AP3B2: variants seen among roughly 807,000 people sequenced by gnomAD.
AP3B2 encodes the protein AP-3 complex subunit beta-2.
In AP3B2, 50 loss-of-function variants were observed where a neutral mutation model predicts 126.9. The ratio of observed to expected loss-of-function variants is 0.39; its 90% CI spans 0.31 to 0.50. AP3B2 has a LOEUF of 0.50. Among genes scored for constraint, AP3B2 ranks in the 20% least tolerant of loss-of-function variants. The pLI is 0.79. For missense variants in AP3B2, 1,177 were observed against 1,426.4 expected, an observed-to-expected ratio of 0.83 and a Z score of 2.82; for synonymous variants, 541 against 565.0, an observed-to-expected ratio of 0.96 and a Z score of 0.60.
intron 4 of AP3B2, chr15:82,686,582 T>A (rs2048430050): frequency 6.6e-6 from 1 of 152,222 alleles, no homozygotes; most frequent in Admixed American, 6.5e-5. Flanking sequence ...CTTATGGATA[T>A]TCATTATATT....
intron 26 of AP3B2, 24 bp from the exon 27 acceptor site, chr15:82,659,734 A>AGG (rs750131913): frequency 1.2e-6 from 2 of 1,613,176 alleles, no homozygotes; most frequent in Non-Finnish European, 1.7e-6. Context: ...AGAAGGGGTG[A>AGG]GGAAGAGCTG....
In AP3B2 at chr15:82,665,390, C is replaced by G. The variant is rs1200151573; in HGVS notation, c.1971+67G>C. ...CTGCCCCCACCAACACACACACACA[C>G]ACACACACACACACACACACACACA... On this transcript the variant is annotated intron_variant, in intron 16 of 26. Transcript: ENST00000535359. The surrounding 1 kb of genome is among the most constrained non-coding windows in gnomAD (Gnocchi z 4.4). The G allele has an allele frequency of 2.3e-5, 4 of 176,944 alleles. No homozygotes were observed. In the Admixed American group the frequency reaches 4.6e-4, roughly 20 times the overall value. The allele number at this position is 176,944 out of a possible 1,614,324, so 11.0% of individuals were successfully genotyped here.
chr15:82,670,112 TGG>T (rs2048129632), intron 14 of AP3B2, among the ~76,000 whole-genome samples: 1 of 68,926 alleles, frequency 1.5e-5, no homozygotes, highest in Non-Finnish European at 3.0e-5. Context: ...TTTTTTTTTT[TGG>T]CGGGGGGGGA....
chr15:82,696,051 A>G (rs1038412608), intron 1 of AP3B2, among the ~76,000 whole-genome samples: 3 of 152,184 alleles, frequency 2.0e-5, no homozygotes, highest in African/African-American at 7.2e-5. Flanking sequence ...CTCTGTCTTC[A>G]CATGGTCTTC....
chr15:82,697,086 C>T (rs2048640168), intron 1 of AP3B2, among the ~76,000 whole-genome samples: 1 of 152,138 alleles, frequency 6.6e-6, no homozygotes, highest in Admixed American at 6.5e-5. Context: ...AATCCCAGCA[C>T]TTTGGGAGGC....
chr15:82,692,441 G>A, intron 1 of AP3B2: 1 of 367,054 alleles, frequency 2.7e-6, no homozygotes, highest in Non-Finnish European at 4.9e-6. Flanking sequence ...CTGCACTGTG[G>A]GAACGAGAAG....
At chr15:82,706,536 G>T (rs1478116689) in intron 1 of AP3B2, among the ~76,000 whole-genome samples, 2 of 152,146 alleles carry the variant, frequency 1.3e-5, no homozygotes, top group Non-Finnish European at 2.9e-5. Flanking sequence ...CAACACTTAT[G>T]CTGATAAGGT....
chr15:82,664,808 A>G lies in AP3B2; in HGVS notation c.2137+27T>C. On this transcript the variant is annotated intron_variant, in intron 18 of 26. Transcript: ENST00000535359. The surrounding 1 kb of genome is among the most constrained non-coding windows in gnomAD (Gnocchi z 4.5). ...ACACAGATGCATGGGCAGAGCACAG[A>G]GGACCCCAGCTCTGCCATCTGCTCA... The G allele has an allele frequency of 1.3e-6, 2 of 1,499,244 alleles. No individual in the cohort carries two copies. The highest frequency in any genetic ancestry group is 1.4e-5 in the African/African-American group (1 of 72,572). 92.9% of individuals were successfully genotyped at this position (1,499,244 alleles called of 1,614,324 possible). A position where few individuals can be genotyped will look rare whatever the true frequency, so the allele number is the denominator to read the frequency against.
intron 14 of AP3B2, among the ~76,000 whole-genome samples, chr15:82,669,211 A>G (rs924735081): frequency 2.0e-5 from 3 of 152,236 alleles, no homozygotes; most frequent in Non-Finnish European, 4.4e-5. Flanking sequence ...AAGACTCTGT[A>G]TTGGAAGTTC....
Position 82,680,446 on chromosome 15 carries a change from G to C in AP3B2, c.1055+26C>G. 2 of 1,455,532 alleles carry C rather than the reference G, an allele frequency of 1.4e-6. No individual in the cohort carries two copies. Among genetic ancestry groups the C allele is most frequent in the South Asian group, 1.4e-5 (1 of 72,052 alleles). 90.2% of individuals were successfully genotyped at this position (1,455,532 alleles called of 1,614,324 possible). A position where few individuals can be genotyped will look rare whatever the true frequency, so the allele number is the denominator to read the frequency against. ...TGGGGCGGGGCAGGAGGCGAGGGAG[G>C]GGGCGGGGCTGGGGGCGGAGCGCAC... On this transcript the variant is annotated intron_variant, in intron 8 of 26. Coordinates refer to ENST00000535359, the MANE Select transcript of AP3B2 (RefSeq NM_001278512.2). The surrounding 1 kb of genome is among the most constrained non-coding windows in gnomAD (Gnocchi z 6.1).
At chr15:82,674,353 G>A (rs1284643101) in intron 14 of AP3B2, among the ~76,000 whole-genome samples, 12 of 152,218 alleles carry the variant, frequency 7.9e-5, no homozygotes, top group Admixed American at 7.9e-4. Flanking sequence ...GAGAAAGAAA[G>A]GGAGGACAAA....
At position 82,680,128 on chromosome 15, in the gene AP3B2, A is replaced by G; in HGVS notation, c.1110+47T>C. 1 of 1,610,616 alleles carries G rather than the reference A, an allele frequency of 6.2e-7. No individual in the cohort carries two copies. Among genetic ancestry groups the G allele is most frequent in the Admixed American group, 1.7e-5 (1 of 59,896 alleles). On this transcript the variant is annotated intron_variant, in intron 9 of 26. Transcript: ENST00000535359. The surrounding 1 kb of genome is among the most constrained non-coding windows in gnomAD (Gnocchi z 6.1). ...CCCCGACAACGCCTCCAGTGCCCGC[A>G]GAAGCGGCCCTCGGACAGCGAGGAC...
Position 82,665,074 on chromosome 15 carries a change from A to G in AP3B2, c.2029-131T>C, listed in dbSNP as rs758180041. 8.3e-5 allele frequency: 85 copies of G among 1,027,292 alleles called. No individual in the cohort carries two copies. Among genetic ancestry groups the G allele is most frequent in the Non-Finnish European group, 1.2e-4 (80 of 689,738 alleles). The allele number at this position is 1,027,292 out of a possible 1,614,324, so 63.6% of individuals were successfully genotyped here. A position where few individuals can be genotyped will look rare whatever the true frequency, so the allele number is the denominator to read the frequency against. On this transcript the variant is annotated intron_variant, in intron 17 of 26. Transcript: ENST00000535359. This position sits in a 1 kb window ranked among gnomAD's most constrained non-coding sequence, Gnocchi z 4.4. ...GTCTGTCCCACAAAGGGAATAACAG[A>G]GGAGGAAGAAAGGGGCACTGTCCAT...
At chr15:82,670,092 AT>A (rs2048127172) in intron 14 of AP3B2, among the ~76,000 whole-genome samples, 3 of 116,958 alleles carry the variant, frequency 2.6e-5, no homozygotes, top group South Asian at 2.6e-4. Context: ...AAAAAAAAAA[AT>A]CAGTGGCTTT....
intron 1 of AP3B2, chr15:82,692,918 A>G (rs2048566791): frequency 6.6e-6 from 1 of 152,026 alleles, no homozygotes; most frequent in South Asian, 2.1e-4. Flanking sequence ...AAAATTTGAA[A>G]TTTCAAAGGG....
chr15:82,662,451 A>G (rs767121670), intron 23 of AP3B2, 199 bp from the exon 24 acceptor site: 86 of 645,554 alleles, frequency 1.3e-4, no homozygotes, highest in Non-Finnish European at 1.9e-4. Context: ...CACCCTCACC[A>G]CATTTAAGTT....
chr15:82,662,365 A>C (rs558761705), intron 23 of AP3B2, 113 bp from the exon 24 acceptor site: 26 of 871,704 alleles, frequency 3.0e-5, no homozygotes, highest in Non-Finnish European at 4.6e-5. Flanking sequence ...CCAGCCCTCT[A>C]CAGAATCTTG....
At chr15:82,677,005 A>G (rs996308329) in intron 13 of AP3B2, among the ~76,000 whole-genome samples, 1 of 152,198 alleles carries the variant, frequency 6.6e-6, no homozygotes, top group Non-Finnish European at 1.5e-5. Flanking sequence ...GAAAAACACA[A>G]GATTTGTCAC....
chr15:82,665,046 C>T lies in AP3B2; in HGVS notation c.2029-103G>A. 2.8e-6 allele frequency: 3 copies of T among 1,064,576 alleles called. No homozygotes were observed. The highest frequency in any genetic ancestry group is 4.2e-6 in the Non-Finnish European group (3 of 714,762). The allele number at this position is 1,064,576 out of a possible 1,614,324, so 65.9% of individuals were successfully genotyped here. On this transcript the variant is annotated intron_variant, in intron 17 of 26. Coordinates refer to ENST00000535359, the MANE Select transcript of AP3B2 (RefSeq NM_001278512.2). The surrounding 1 kb of genome is among the most constrained non-coding windows in gnomAD (Gnocchi z 4.4). ...ATTCCACCTCTTTGTGAGGCCCTAC[C>T]TGGTCTGTCCCACAAAGGGAATAAC...
Sources: allele counts gnomAD v4.1 joint callset (sites outside exome capture counted in the v4.1 genomes callset), GRCh38; gene constraint gnomAD v4.1.1; non-coding constraint Gnocchi (gnomAD v3.1); transcripts MANE v1.5; gene names NCBI Gene and HGNC (gene_info 2026-07-23, HGNC 2026-07-21).